The following SVEP1 variants were observed in gnomAD, a reference collection of about 807,000 sequenced individuals.
SVEP1 encodes the protein sushi, von Willebrand factor type A, EGF and pentraxin domain containing 1, also known as sushi, von Willebrand factor type A, EGF and pentraxin domain-containing protein 1.
In SVEP1, 164 loss-of-function variants were observed where a neutral mutation model predicts 367.3. The observed-to-expected ratio is 0.45, with a 90% confidence interval of 0.39 to 0.51. The LOEUF (loss-of-function observed/expected upper bound fraction) is 0.51, where lower values mean the gene tolerates loss of function less well. Among genes scored for constraint, SVEP1 ranks in the 20% least tolerant of loss-of-function variants. The pLI is 0.00. For synonymous variants in SVEP1, 1,666 were observed against 1,611.6 expected, an observed-to-expected ratio of 1.03 and a Z score of -0.81; for missense variants, 4,117 against 4,425.3, an observed-to-expected ratio of 0.93 and a Z score of 1.98.
chr9:110,448,100 C>T (rs150752262), intron 24 of SVEP1, among the ~76,000 whole-genome samples: 21 of 152,100 alleles, frequency 1.4e-4, no homozygotes, highest in African/African-American at 4.3e-4. Flanking sequence ...GACTGCAGGA[C>T]GGTGATTACT....
In SVEP1 at chr9:110,471,354, A is replaced by G; in HGVS notation, c.2998+10T>C. The G allele has an allele frequency of 6.2e-7, 1 of 1,611,090 alleles. No homozygotes were observed. Among genetic ancestry groups the G allele is most frequent in the Non-Finnish European group, 8.5e-7 (1 of 1,177,968 alleles). ...CACCAAATATTTTTGATCACAGGGA[A>G]CAGTCTTACCACACATACGCCCTCT... On this transcript the variant is annotated intron_variant, in intron 16 of 47. Transcript: ENST00000374469.
At position 110,509,787 on chromosome 9, in the gene SVEP1, C is replaced by G. The variant is rs1483802438; in HGVS notation, c.1303+3139G>C. 2.0e-5 allele frequency among the ~76,000 whole-genome samples: 3 copies of G among 152,170 alleles called. 1 individual carries two copies. The highest frequency in any genetic ancestry group is 4.4e-5 in the Non-Finnish European group (3 of 68,026). On this transcript the variant is annotated intron_variant, in intron 5 of 47. Coordinates refer to ENST00000374469, the MANE Select transcript of SVEP1 (RefSeq NM_153366.4). Reference sequence around the variant, plus strand: ...ATGTGTATTTGTTAACTTCAAGTTTCCATTCATTCACCAGAGATATCATCA... The same window carrying G: ...ATGTGTATTTGTTAACTTCAAGTTTGCATTCATTCACCAGAGATATCATCA...
At chr9:110,497,309 A>G (rs1829465825) in intron 7 of SVEP1, among the ~76,000 whole-genome samples, 1 of 152,140 alleles carries the variant, frequency 6.6e-6, no homozygotes, top group Non-Finnish European at 1.5e-5. Context: ...TTGCTCTTGA[A>G]CAGGCTTAGA....
chr9:110,559,937 A>G (rs1248527406), intron 1 of SVEP1, among the ~76,000 whole-genome samples: 1 of 152,126 alleles, frequency 6.6e-6, no homozygotes, highest in African/African-American at 2.4e-5. Flanking sequence ...TTCATTACCT[A>G]TATGTACATG....
Position 110,407,658 on chromosome 9 carries a change from G to A in SVEP1, c.7942C>T (p.Pro2648Ser), listed in dbSNP as rs1448820544. Residue 2648 changes from proline (P) to serine (S), a missense_variant, in exon 38 of 48, where the codon CCT becomes TCT. Physicochemically the swap from Pro to Ser is moderately conservative, Grantham distance 74. Coordinates refer to ENST00000374469, the MANE Select transcript of SVEP1 (RefSeq NM_153366.4). Reference protein sequence around the residue: ...DDMMEVPYVTPHPPYHLGAVA... With the variant: ...DDMMEVPYVTSHPPYHLGAVA... ...GCTCCCAAATGATAAGGAGGGTGAG[G>A]AGTCACATATGGAACTTCCATCATG... is the stretch of plus-strand genomic sequence containing the variant. The A allele has an allele frequency of 1.9e-6, 3 of 1,613,868 alleles. No individual in the cohort carries two copies. Among genetic ancestry groups the A allele is most frequent in the African/African-American group, 2.7e-5 (2 of 74,906 alleles).
At chr9:110,383,624 C>T (rs1827477147) in intron 43 of SVEP1, among the ~76,000 whole-genome samples, 1 of 152,174 alleles carries the variant, frequency 6.6e-6, no homozygotes. Flanking sequence ...CTCTAGCTGC[C>T]CCTTGGCAGA....
At chr9:110,549,748 C>T (rs1258755271) in intron 2 of SVEP1, 101 bp downstream of exon 2, 4 of 1,463,108 alleles carry the variant, frequency 2.7e-6, no homozygotes, top group South Asian at 2.7e-5. Flanking sequence ...CAGCAAAGAC[C>T]TTGTGAGAGT....
intron 1 of SVEP1, among the ~76,000 whole-genome samples, chr9:110,566,016 A>G (rs1263329241): frequency 6.6e-6 from 1 of 151,912 alleles, no homozygotes; most frequent in Non-Finnish European, 1.5e-5. Flanking sequence ...GCATTTTGGT[A>G]ATAATAATAA....
chr9:110,571,685 C>G (rs144745572), intron 1 of SVEP1, among the ~76,000 whole-genome samples: 133 of 152,328 alleles, frequency 8.7e-4, no homozygotes, highest in African/African-American at 3.0e-3. Flanking sequence ...CCACTTCATT[C>G]ATTCTAGTTT....
intron 3 of SVEP1, among the ~76,000 whole-genome samples, chr9:110,523,457 G>A (rs1415198803): frequency 6.6e-6 from 1 of 152,062 alleles, no homozygotes; most frequent in Non-Finnish European, 1.5e-5. Flanking sequence ...ATAAAAATCA[G>A]AGAGAATAAA....
chr9:110,436,176 C>T (rs988326695), intron 28 of SVEP1, among the ~76,000 whole-genome samples: 1 of 151,520 alleles, frequency 6.6e-6, no homozygotes, highest in African/African-American at 2.4e-5. Flanking sequence ...AAGAATATCA[C>T]CAAGAAACTA....
intron 3 of SVEP1, among the ~76,000 whole-genome samples, chr9:110,522,067 T>A (rs1829882739): frequency 6.6e-6 from 1 of 152,170 alleles, no homozygotes; most frequent in African/African-American, 2.4e-5. Context: ...ATTCCCATTA[T>A]CAAGACTGAA....
Position 110,458,631 on chromosome 9 carries a change from T to C in SVEP1, c.3485-69A>G, listed in dbSNP as rs920885672. 4.9e-6 allele frequency: 7 copies of C among 1,424,844 alleles called. No homozygotes were observed. In the African/African-American group the frequency reaches 7.1e-5, roughly 14 times the overall value. 88.3% of individuals were successfully genotyped at this position (1,424,844 alleles called of 1,614,324 possible). A position where few individuals can be genotyped will look rare whatever the true frequency, so the allele number is the denominator to read the frequency against. Reference sequence around the variant, plus strand: ...AGTAAGTGGACTATATCTAACACTATGGTCAAGATTCTGGTTGTCAGAGTG... The same window carrying C: ...AGTAAGTGGACTATATCTAACACTACGGTCAAGATTCTGGTTGTCAGAGTG... On this transcript the variant is annotated intron_variant, in intron 19 of 47. Transcript: ENST00000374469.
intron 14 of SVEP1, among the ~76,000 whole-genome samples, chr9:110,474,018 G>C (rs1166371970): frequency 6.6e-6 from 1 of 152,042 alleles, no homozygotes. Flanking sequence ...TTTATTTTTT[G>C]AGATGGAGTT....
chr9:110,571,602 G>T (rs1385633779), intron 1 of SVEP1, among the ~76,000 whole-genome samples: 2 of 152,178 alleles, frequency 1.3e-5, no homozygotes, highest in Non-Finnish European at 2.9e-5. Context: ...ATTTGAGAAA[G>T]AAATAAATGT....
chr9:110,411,426 T>C lies in SVEP1; in HGVS notation c.6285A>G (p.Glu2095=), dbSNP rs375404237. The part of the protein sequence containing the change: ...KPPSVSYSIL[E]SVSKAKFAAG... ...CTGCAAATTTTGCTTTGCTCACAGATTCCAAGATGCTATAGGAAACCGATG... is the reference window on the plus strand; with the variant it reads ...CTGCAAATTTTGCTTTGCTCACAGACTCCAAGATGCTATAGGAAACCGATG... Residue 2095 remains glutamate (E), a synonymous_variant, in exon 37 of 48, where the codon GAA becomes GAG. Coordinates refer to ENST00000374469, the MANE Select transcript of SVEP1 (RefSeq NM_153366.4). The C allele has an allele frequency of 9.8e-5, 158 of 1,613,908 alleles. 1 individual carries two copies. Among genetic ancestry groups the C allele is most frequent in the Middle Eastern group, 4.9e-4 (3 of 6,084 alleles).
intron 14 of SVEP1, 82 bp downstream of exon 14, chr9:110,476,122 T>C (rs2118683939): frequency 1.2e-6 from 1 of 807,188 alleles, no homozygotes; most frequent in East Asian, 2.5e-5. Context: ...AGTTAATGTT[T>C]CTAGTTTGCC....
At chr9:110,404,279 T>C in intron 39 of SVEP1, 48 bp downstream of exon 39, 1 of 1,556,032 alleles carries the variant, frequency 6.4e-7, no homozygotes, top group Non-Finnish European at 8.8e-7. Flanking sequence ...TGCTTGGCAA[T>C]ATATGTATAT....
intron 5 of SVEP1, among the ~76,000 whole-genome samples, chr9:110,510,909 T>C (rs1044056023): frequency 6.6e-6 from 1 of 152,248 alleles, no homozygotes; most frequent in Non-Finnish European, 1.5e-5. Context: ...TGAGGCTGCA[T>C]GACTGAAAAT....
Sources: allele counts gnomAD v4.1 joint callset (sites outside exome capture counted in the v4.1 genomes callset), GRCh38; gene constraint gnomAD v4.1.1; transcripts MANE v1.5; gene names NCBI Gene and HGNC (gene_info 2026-07-23, HGNC 2026-07-21).